SAMD11: variants seen among roughly 807,000 people sequenced by gnomAD.
The protein encoded by SAMD11 is sterile alpha motif domain containing 11.
A neutral mutation model predicts 64.4 loss-of-function variants in SAMD11; 77 were observed. That is an observed-to-expected ratio of 1.20 (90% CI 0.99 to 1.44). SAMD11 has a LOEUF of 1.44. SAMD11 is among the 40% of genes most tolerant of loss of function. SAMD11 has a pLI of 0.00. For synonymous variants in SAMD11, 658 were observed against 421.9 expected, an observed-to-expected ratio of 1.56 and a Z score of -6.86; for missense variants, 1,402 against 943.3, an observed-to-expected ratio of 1.49 and a Z score of -6.37.
Position 930,181 on chromosome 1 carries a change from G to A in SAMD11, c.636G>A (p.Arg212=). The change falls in exon 3 of 14, where the codon AGG becomes AGA. Residue 212 remains arginine, a synonymous_variant. Coordinates refer to ENST00000616016, the MANE Select transcript of SAMD11 (RefSeq NM_001385641.1). The part of the protein sequence containing the change: ...PVNRGRLADK[R]TVALPAARNL... ...ACCGGGGGCGGCTGGCAGACAAGAGGACAGTCGCCCTGCCTGCCGCCCGGA... is the reference window on the plus strand; with the variant it reads ...ACCGGGGGCGGCTGGCAGACAAGAGAACAGTCGCCCTGCCTGCCGCCCGGA... The A allele has an allele frequency of 1.9e-6, 3 of 1,560,046 alleles. No homozygotes were observed. The highest frequency in any genetic ancestry group is 2.6e-6 in the Non-Finnish European group (3 of 1,152,142).
At chr1:932,860 C>T (rs539052362) in intron 4 of SAMD11, among the ~76,000 whole-genome samples, 1 of 152,352 alleles carries the variant, frequency 6.6e-6, no homozygotes, top group African/African-American at 2.4e-5. Flanking sequence ...GCTCCTCGAG[C>T]CATTGTTTGC....
chr1:942,161 C>G lies in SAMD11; in HGVS notation c.1384C>G (p.Leu462Val). The change falls in exon 9 of 14, where the codon CTG becomes GTG. Residue 462 changes from leucine to valine, a missense_variant. Leu to Val is a conservative substitution (Grantham distance 32). Transcript: ENST00000616016. ...ERELPQPPPL[L>V]SPQNAPHVAL... ...GGAGCTGCCTCAGCCGCCCCCCTTG[C>G]TGTCGCCGCAGAATGCCCCTCACGT... The G allele has an allele frequency of 7.1e-7, 1 of 1,416,398 alleles. No individual in the cohort carries two copies. The highest frequency in any genetic ancestry group is 9.3e-7 in the Non-Finnish European group (1 of 1,070,284). 87.7% of individuals were successfully genotyped at this position (1,416,398 alleles called of 1,614,324 possible). A position where few individuals can be genotyped will look rare whatever the true frequency, so the allele number is the denominator to read the frequency against.
chr1:937,332 G>A (rs1047767843), intron 5 of SAMD11, among the ~76,000 whole-genome samples: 1 of 152,100 alleles, frequency 6.6e-6, no homozygotes, highest in African/African-American at 2.4e-5. Flanking sequence ...TGGGGTCCAT[G>A]AGTGAGGAGT....
chr1:935,281 G>A (rs1002663650), intron 4 of SAMD11, among the ~76,000 whole-genome samples: 3 of 152,148 alleles, frequency 2.0e-5, no homozygotes, highest in Admixed American at 6.5e-5. Context: ...CGTGGGGCGC[G>A]TCTCATCAGC....
At position 930,304 on chromosome 1, in the gene SAMD11, G is replaced by A. The variant is rs764135861; in HGVS notation, c.759G>A (p.Glu253=). The change falls in exon 3 of 14, where the codon GAG becomes GAA. Residue 253 remains glutamate (E), a synonymous_variant. Transcript: ENST00000616016. ...TCGRRPGLKQ[E]DGPHIRIMKR... ...GGCGGCGGCCAGGCTTGAAGCAGGAGGATGGTCCGCACATCCGTATCATGA... is the reference window on the plus strand; with the variant it reads ...GGCGGCGGCCAGGCTTGAAGCAGGAAGATGGTCCGCACATCCGTATCATGA... 6 of 1,608,232 alleles carry A rather than the reference G, an allele frequency of 3.7e-6. No individual in the cohort carries two copies. The South Asian group carries it at 4.5e-5, about 12-fold the overall frequency.
chr1:936,311 C>CCGGT lies in SAMD11; in HGVS notation c.967+417_967+420dup, dbSNP rs531622104. Reference sequence around the variant, plus strand: ...TAGGGCTCCTGGACGGAGGGGGTCCCCGGTCCCGCCTCCTAGGGCTCCTGG... The same window carrying CCGGT: ...TAGGGCTCCTGGACGGAGGGGGTCCCCGGTCGGTCCCGCCTCCTAGGGCTCCTGG... On this transcript the variant is annotated intron_variant, in intron 5 of 13. Transcript: ENST00000616016. Among the ~76,000 whole-genome samples the CCGGT allele has an allele frequency of 1.8e-3, 133 of 73,774 alleles. 2 individuals carry two copies. The highest frequency in any genetic ancestry group is 5.9e-3 in the African/African-American group (102 of 17,298). The allele number at this position is 73,774 out of a possible 152,430, so 48.4% of individuals were successfully genotyped here. A position where few individuals can be genotyped will look rare whatever the true frequency, so the allele number is the denominator to read the frequency against.
rs770660212 is a variant in SAMD11 at position 935,778 on chromosome 1, C to T, written c.849C>T (p.Asp283=). The T allele has an allele frequency of 3.0e-5, 49 of 1,613,252 alleles. No individual in the cohort carries two copies. Among genetic ancestry groups the T allele is most frequent in the Non-Finnish European group, 3.8e-5 (45 of 1,179,820 alleles). The change falls in exon 5 of 14, where the codon GAC becomes GAT. Residue 283 remains aspartate (D), a synonymous_variant. Transcript: ENST00000616016. ...ISFREASCSQ[D]GNLPTLISSV... ...TCCCGGTCTCGTTCTGCAGCCAGGACGGCAACCTTCCCACCCTCATATCCA... is the reference window on the plus strand; with the variant it reads ...TCCCGGTCTCGTTCTGCAGCCAGGATGGCAACCTTCCCACCCTCATATCCA...
intron 5 of SAMD11, 63 bp from the exon 6 acceptor site, chr1:938,977 G>A: frequency 7.0e-7 from 1 of 1,421,966 alleles, no homozygotes; most frequent in Non-Finnish European, 9.7e-7. Flanking sequence ...CTGAGCTGGA[G>A]CAGGGGCTGG....
intron 2 of SAMD11, among the ~76,000 whole-genome samples, chr1:928,773 G>A (rs1374896114): frequency 3.3e-5 from 5 of 152,250 alleles, no homozygotes; most frequent in South Asian, 2.1e-4. Context: ...CGTGGCTCTG[G>A]GACGGGGGCC....
Position 924,864 on chromosome 1 carries a change from G to A in SAMD11, c.433G>A (p.Gly145Ser), listed in dbSNP as rs1640802007. 1 of 152,274 alleles carries A rather than the reference G, an allele frequency of 6.6e-6. No individual in the cohort carries two copies. Among genetic ancestry groups the A allele is most frequent in the Non-Finnish European group, 1.5e-5 (1 of 68,074 alleles). 9.4% of individuals were successfully genotyped at this position (152,274 alleles called of 1,614,324 possible). ...GSKGPSIRHR[G>S]EWLTPNEFQF... ...CAAGGGCCCGTCCATCCGCCACCGCGGCGAGTGGCTCACGCCCAACGAGTT... is the reference window on the plus strand; with the variant it reads ...CAAGGGCCCGTCCATCCGCCACCGCAGCGAGTGGCTCACGCCCAACGAGTT... Residue 145 changes from glycine (G) to serine (S), a missense_variant, in exon 1 of 14, where the codon GGC (glycine) becomes AGC (serine). Physicochemically the swap from Gly to Ser is moderately conservative, Grantham distance 56. Transcript: ENST00000616016.
chr1:939,313 G>A lies in SAMD11; in HGVS notation c.1096G>A (p.Ala366Thr). ...GCCGCGGGAGCTGGGGCCCAGCATG[G>A]CCCCGGAGGACCATTACCGCCGGCT... ...LLPRELGPSM[A>T]PEDHYRRLVS... The change falls in exon 7 of 14, where the codon GCC becomes ACC. Residue 366 changes from alanine (A) to threonine (T), a missense_variant. Ala to Thr is a moderately conservative substitution (Grantham distance 58). Transcript: ENST00000616016. 1.2e-6 allele frequency: 2 copies of A among 1,611,068 alleles called. No homozygotes were observed. Among genetic ancestry groups the A allele is most frequent in the South Asian group, 1.1e-5 (1 of 90,618 alleles).
chr1:943,963 C>T lies in SAMD11; in HGVS notation c.2345C>T (p.Pro782Leu), dbSNP rs1246202828. 5 of 1,612,674 alleles carry T rather than the reference C, an allele frequency of 3.1e-6. No individual in the cohort carries two copies. Among genetic ancestry groups the T allele is most frequent in the South Asian group, 2.2e-5 (2 of 91,080 alleles). Residue 782 changes from proline (P) to leucine (L), a missense_variant, in exon 14 of 14, where the codon CCA becomes CTA. Coordinates refer to ENST00000616016, the MANE Select transcript of SAMD11 (RefSeq NM_001385641.1). ...FYVASFPVALPLQPPTLRAPE... is the reference protein window; with the variant it reads ...FYVASFPVALLLQPPTLRAPE... Reference sequence around the variant, plus strand: ...GTGGCCAGCTTCCCCGTGGCTCTGCCACTGCAGCCACCAACCCTGCGGGCC... The same window carrying T: ...GTGGCCAGCTTCCCCGTGGCTCTGCTACTGCAGCCACCAACCCTGCGGGCC...
Position 944,204 on chromosome 1 carries a change from C to G in SAMD11, c.*51C>G, listed in dbSNP as rs933774432. 1.3e-6 allele frequency: 2 copies of G among 1,497,644 alleles called. No homozygotes were observed. Among genetic ancestry groups the G allele is most frequent in the South Asian group, 1.4e-5 (1 of 70,364 alleles). 92.8% of individuals were successfully genotyped at this position (1,497,644 alleles called of 1,614,324 possible). A position where few individuals can be genotyped will look rare whatever the true frequency, so the allele number is the denominator to read the frequency against. ...ACACAAATCTCCAGGAGCCACCACT[C>G]AACACAATGGCCCTGCCTCCCACCG... On this transcript the variant is annotated 3_prime_UTR_variant, in exon 14 of 14. Transcript: ENST00000616016.
Position 941,293 on chromosome 1 carries a change from TC to T in SAMD11, c.1347del (p.Phe450SerfsTer114). 6.3e-7 allele frequency: 1 copy of T among 1,589,464 alleles called. No homozygotes were observed. The highest frequency in any genetic ancestry group is 8.6e-7 in the Non-Finnish European group (1 of 1,168,480). Reference sequence around the variant, plus strand: ...GGGCGCCGCCCCAGCTGCCGCCCCGTCCTTCTCGGAGAGGTACTGGGGTGGC... The same window carrying T: ...GGGCGCCGCCCCAGCTGCCGCCCCGTCTTCTCGGAGAGGTACTGGGGTGGC... ...REGAAPAAAP[S>X]FSERELPQPP... is the part of the protein sequence containing the mutation. On this transcript the variant is annotated frameshift_variant, in exon 8 of 14. Coordinates refer to ENST00000616016, the MANE Select transcript of SAMD11 (RefSeq NM_001385641.1). LOFTEE classifies it high-confidence loss of function.
At chr1:939,850 G>C (rs1027751534) in intron 7 of SAMD11, among the ~76,000 whole-genome samples, 2 of 152,160 alleles carry the variant, frequency 1.3e-5, no homozygotes, top group Non-Finnish European at 2.9e-5. Context: ...GAAAGGCCGG[G>C]CTGGGTGCAG....
In SAMD11 at chr1:944,041, C is replaced by G; in HGVS notation, c.2423C>G (p.Thr808Arg). The change falls in exon 14 of 14, where the codon ACG (threonine) becomes AGG (arginine). Residue 808 changes from threonine to arginine, a missense_variant. Coordinates refer to ENST00000616016, the MANE Select transcript of SAMD11 (RefSeq NM_001385641.1). ...CAGCCCTTGTCCCCCACGACGGCCA[C>G]GTCCCCCTATGGAGGGGGCCACGCC... ...GEQPLSPTTA[T>R]SPYGGGHALA... The G allele has an allele frequency of 2.5e-6, 4 of 1,612,824 alleles. No individual in the cohort carries two copies. The highest frequency in any genetic ancestry group is 3.3e-5 in the Admixed American group (2 of 60,030).
At chr1:940,363 C>T (rs1186823287) in intron 7 of SAMD11, 1 of 151,294 alleles carries the variant, frequency 6.6e-6, no homozygotes, top group African/African-American at 2.4e-5. Context: ...GCCGCTAGCG[C>T]GGGGGCGCTG....
At position 944,057 on chromosome 1, in the gene SAMD11, G is replaced by A. The variant is rs771850072; in HGVS notation, c.2439G>A (p.Gly813=). Residue 813 remains glycine (G), a synonymous_variant, in exon 14 of 14, where the codon GGG becomes GGA. Transcript: ENST00000616016. ...CGACGGCCACGTCCCCCTATGGAGG[G>A]GGCCACGCCCTTGCCGGTCAAACTT... ...SPTTATSPYG[G]GHALAGQTSP... 3.7e-6 allele frequency: 6 copies of A among 1,612,590 alleles called. No homozygotes were observed. Among genetic ancestry groups the A allele is most frequent in the Non-Finnish European group, 5.1e-6 (6 of 1,179,952 alleles).
rs751177771 is a variant in SAMD11, at chr1:925,837, C to T, written c.518-85C>T. ...GTTCGGGGTGTATTTCGTCCACGAG[C>T]CGGGGAGGGGGTACTGGCCCTGCCG... On this transcript the variant is annotated intron_variant, in intron 1 of 13. Coordinates refer to ENST00000616016, the MANE Select transcript of SAMD11 (RefSeq NM_001385641.1). 8 of 961,832 alleles carry T rather than the reference C, an allele frequency of 8.3e-6. No individual in the cohort carries two copies. In the Admixed American group the frequency reaches 8.6e-5, roughly 10 times the overall value. The allele number at this position is 961,832 out of a possible 1,614,324, so 59.6% of individuals were successfully genotyped here. A position where few individuals can be genotyped will look rare whatever the true frequency, so the allele number is the denominator to read the frequency against.
Sources: allele counts gnomAD v4.1 joint callset (sites outside exome capture counted in the v4.1 genomes callset), GRCh38; gene constraint gnomAD v4.1.1; transcripts MANE v1.5; gene names NCBI Gene and HGNC (gene_info 2026-07-23, HGNC 2026-07-21).